Variants in ROS1 observed in about 807,000 individuals in gnomAD.
ROS1 encodes the protein proto-oncogene tyrosine-protein kinase ROS.
In ROS1, 263 loss-of-function variants were observed where a neutral mutation model predicts 273.5. That is an observed-to-expected ratio of 0.96 (90% CI 0.87 to 1.06). The LOEUF (loss-of-function observed/expected upper bound fraction) is 1.06. Among genes scored for constraint, ROS1 ranks in the 50% least tolerant of loss-of-function variants. ROS1 has a pLI of 0.00. For synonymous variants in ROS1, 1,008 were observed against 954.1 expected (o/e 1.06, Z -1.04); for missense variants, 2,833 against 2,751.1 (o/e 1.03, Z -0.67).
At chr6:117,326,099 A>ATG in intron 34 of ROS1, 125 bp downstream of exon 34, 1 of 127,738 alleles carries the variant, frequency 7.8e-6, no homozygotes, top group Non-Finnish European at 1.6e-5. Context: ...GATTATATAT[A>ATG]TATATATATA....
At chr6:117,315,736 C>T (rs1200803997) in intron 39 of ROS1, among the ~76,000 whole-genome samples, 1 of 151,970 alleles carries the variant, frequency 6.6e-6, no homozygotes, top group Non-Finnish European at 1.5e-5. Context: ...GGAAAAAGTC[C>T]CACATGGACA....
Position 117,362,642 on chromosome 6 carries a change from T to A in ROS1, c.3327A>T (p.Gln1109His). 6.2e-7 allele frequency: 1 copy of A among 1,613,644 alleles called. No individual in the cohort carries two copies. Among genetic ancestry groups the A allele is most frequent in the South Asian group, 1.1e-5 (1 of 91,054 alleles). The change falls in exon 22 of 44, where the codon CAA becomes CAT. Residue 1109 changes from glutamine (Q) to histidine (H), a missense_variant. Gln to His is a conservative substitution (Grantham distance 24, BLOSUM62 0). Transcript: ENST00000368507. ...VNVTPSVMSF[Q>H]LEGMSPRCFI... is the part of the protein sequence containing the mutation. ...AGCATCTGGGACTCATGCCTTCAAG[T>A]TGAAAAGACATCACTGAGGGAGTGA...
intron 7 of ROS1, 41 bp from the exon 8 acceptor site, chr6:117,397,157 C>T: frequency 7.8e-7 from 1 of 1,285,528 alleles, no homozygotes. Flanking sequence ...GAAAAATGTG[C>T]AAGCATGATG....
chr6:117,324,259 C>G (rs1385208011), intron 35 of ROS1, 73 bp downstream of exon 35: 3 of 742,352 alleles, frequency 4.0e-6, no homozygotes, highest in Non-Finnish European at 7.0e-6. Context: ...ATTAGATCAA[C>G]TAAGAGATAA....
intron 18 of ROS1, among the ~76,000 whole-genome samples, chr6:117,375,902 T>A (rs957035635): frequency 1.8e-4 from 28 of 152,170 alleles, no homozygotes; most frequent in African/African-American, 6.5e-4. Context: ...TGAATACAAC[T>A]AATATAGACC....
chr6:117,410,447 T>G (rs972280254), intron 4 of ROS1, among the ~76,000 whole-genome samples: 1 of 152,220 alleles, frequency 6.6e-6, no homozygotes, highest in Non-Finnish European at 1.5e-5. Flanking sequence ...ATACCAATGC[T>G]GAGTTTTAAA....
In ROS1 at chr6:117,365,061, T is replaced by C. The variant is rs780830705; in HGVS notation, c.3102A>G (p.Thr1034=). The change falls in exon 21 of 44, where the codon ACA becomes ACG. Residue 1034 remains threonine (T), a splice_region_variant and synonymous_variant. Coordinates refer to ENST00000368507, the MANE Select transcript of ROS1 (RefSeq NM_001378902.1). ...KTSLSLRAPE[T]VPSAPENPRI... ...AAAGACAGATTTTAACCCCTGTACC[T>C]GTTTCAGGTGCTCGAAGTGACAGAG... is the stretch of plus-strand genomic sequence containing the variant. 10 of 1,613,488 alleles carry C rather than the reference T, an allele frequency of 6.2e-6. No individual in the cohort carries two copies. In the South Asian group the frequency reaches 1.1e-4, roughly 18 times the overall value.
chr6:117,352,077 A>C (rs1254570298), intron 27 of ROS1, among the ~76,000 whole-genome samples: 1 of 152,062 alleles, frequency 6.6e-6, no homozygotes, highest in African/African-American at 2.4e-5. Flanking sequence ...GAGGCCATGC[A>C]ATTCTGTTTT....
intron 29 of ROS1, 110 bp from the exon 30 acceptor site, chr6:117,341,742 T>C (rs1772712025): frequency 1.4e-6 from 1 of 739,470 alleles, no homozygotes; most frequent in Non-Finnish European, 2.2e-6. Flanking sequence ...GCAGAATAAA[T>C]AACACATGTC....
Position 117,353,028 on chromosome 6 carries a change from T to C in ROS1, c.4265A>G (p.His1422Arg). Reference sequence around the variant, plus strand: ...CATAACTGAACTGTAAGCCAAGATATGCCTACTCCTTAGGGCCTTCACCTG... The same window carrying C: ...CATAACTGAACTGTAAGCCAAGATACGCCTACTCCTTAGGGCCTTCACCTG... The part of the protein sequence containing the change: ...VSQVKALRSR[H>R]ILAYSSVMQP... Residue 1422 changes from histidine (H) to arginine (R), a missense_variant, in exon 27 of 44, where the codon CAT becomes CGT. Physicochemically the swap from His to Arg is conservative, Grantham distance 29. Transcript: ENST00000368507. 6.2e-7 allele frequency: 1 copy of C among 1,614,018 alleles called. No homozygotes were observed. Among genetic ancestry groups the C allele is most frequent in the South Asian group, 1.1e-5 (1 of 91,018 alleles).
At position 117,370,359 on chromosome 6, in the gene ROS1, T is replaced by C. The variant is rs1489166603; in HGVS notation, c.2583-4069A>G. On this transcript the variant is annotated intron_variant, in intron 18 of 43. Transcript: ENST00000368507. The stretch of plus-strand genomic sequence containing the variant: ...ACCTTTAGAGTATATGATATTTTGC[T>C]TTACTTTAATCACTTCCTGACCATT... Among the ~76,000 whole-genome samples, 11 of 152,278 alleles carry C rather than the reference T, an allele frequency of 7.2e-5. No homozygotes were observed. In the South Asian group the frequency reaches 2.1e-3, roughly 29 times the overall value.
intron 18 of ROS1, among the ~76,000 whole-genome samples, chr6:117,373,236 T>C (rs1335338125): frequency 6.6e-6 from 1 of 152,222 alleles, no homozygotes; most frequent in African/African-American, 2.4e-5. Context: ...GCCTAGTGGA[T>C]CCTGTGCCAG....
At chr6:117,308,642 T>A (rs576805068) in intron 42 of ROS1, 152 bp downstream of exon 42, 1 of 732,164 alleles carries the variant, frequency 1.4e-6, no homozygotes, top group Non-Finnish European at 2.1e-6. Flanking sequence ...TATTCACAAA[T>A]TGACACAATG....
intron 34 of ROS1, 34 bp downstream of exon 34, chr6:117,326,190 A>G: frequency 7.3e-7 from 1 of 1,378,274 alleles, no homozygotes; most frequent in African/African-American, 1.5e-5. Context: ...CCTTTAGGTA[A>G]TAAGCTAGTG....
chr6:117,328,167 C>G (rs1267267067), intron 33 of ROS1, among the ~76,000 whole-genome samples: 4 of 152,146 alleles, frequency 2.6e-5, no homozygotes, highest in African/African-American at 7.2e-5. Context: ...AGTGAGTACA[C>G]AGAGTCTAAC....
intron 9 of ROS1, 61 bp downstream of exon 9, chr6:117,396,127 T>C: frequency 7.4e-7 from 1 of 1,358,060 alleles, no homozygotes; most frequent in Non-Finnish European, 1.0e-6. Flanking sequence ...GGCTTCTGGC[T>C]CTGAAACCAC....
At chr6:117,322,100 G>A (rs1163476545) in intron 35 of ROS1, among the ~76,000 whole-genome samples, 1 of 152,062 alleles carries the variant, frequency 6.6e-6, no homozygotes, top group Non-Finnish European at 1.5e-5. Flanking sequence ...GAAGTTGAAA[G>A]CAGCAAGCAT....
chr6:117,425,789 G>T lies in ROS1; in HGVS notation c.-133C>A. ...TGCTTTGTTTGTTTTGCTATATTAGGATATACTTGCCTTTTGAAATAATAC... is the reference window on the plus strand; with the variant it reads ...TGCTTTGTTTGTTTTGCTATATTAGTATATACTTGCCTTTTGAAATAATAC... On this transcript the variant is annotated 5_prime_UTR_variant, in exon 1 of 44. Transcript: ENST00000368507. 3 of 910,408 alleles carry T rather than the reference G, an allele frequency of 3.3e-6. No homozygotes were observed. Among genetic ancestry groups the T allele is most frequent in the East Asian group, 2.6e-5 (1 of 38,972 alleles). The allele number at this position is 910,408 out of a possible 1,614,324, so 56.4% of individuals were successfully genotyped here.
At position 117,359,206 on chromosome 6, in the gene ROS1, C is replaced by A. The variant is rs534156557; in HGVS notation, c.3633+603G>T. Among the ~76,000 whole-genome samples the A allele has an allele frequency of 2.6e-5, 4 of 152,320 alleles. No homozygotes were observed. In the East Asian group the frequency reaches 7.7e-4, roughly 29 times the overall value. ...TCTACCACCACCAAGCCAACCTAGA[C>A]TACGTGTTCATTCTCTGTGATTCCA... On this transcript the variant is annotated intron_variant, in intron 24 of 43. Transcript: ENST00000368507.
Sources: gnomAD v4.1 joint callset for allele counts (sites outside exome capture counted in the v4.1 genomes callset) on GRCh38, gnomAD v4.1.1 for gene constraint, MANE v1.5 for transcripts, NCBI Gene and HGNC (gene_info 2026-07-23, HGNC 2026-07-21) for gene names.